Variants in PPME1 observed in about 807,000 individuals in gnomAD.
The protein encoded by PPME1 is testicular secretory protein Li 39.
PPME1 carries 17 observed loss-of-function variants against 56.9 expected under a neutral mutation model. That is an observed-to-expected ratio of 0.30 (90% CI 0.20 to 0.45). The LOEUF is 0.45. Ranked by LOEUF, PPME1 falls within the 20% of genes least tolerant of loss-of-function variation. The pLI is 1.00. For synonymous variants in PPME1, 122 were observed against 156.2 expected (o/e 0.78, Z 1.63); for missense variants, 357 against 483.2 (o/e 0.74, Z 2.45).
intron 11 of PPME1, chr11:74,250,118 A>G (rs1263977645): frequency 6.6e-6 from 1 of 152,240 alleles, no homozygotes; most frequent in African/African-American, 2.4e-5. Flanking sequence ...TAACTGGGGT[A>G]AGAACCACAG....
intron 1 of PPME1, among the ~76,000 whole-genome samples, chr11:74,175,409 G>T (rs1488169460): frequency 5.3e-5 from 8 of 152,092 alleles, no homozygotes; most frequent in Admixed American, 5.2e-4. Flanking sequence ...GCTGAGGCAG[G>T]AGAATCACTT....
At chr11:74,210,535 T>TC (rs1858444293) in intron 3 of PPME1, among the ~76,000 whole-genome samples, 1 of 152,200 alleles carries the variant, frequency 6.6e-6, no homozygotes, top group African/African-American at 2.4e-5. Flanking sequence ...TGGGAGTGGA[T>TC]CCTTCATGAA....
intron 1 of PPME1, among the ~76,000 whole-genome samples, chr11:74,177,050 G>A (rs1205060160): frequency 2.6e-5 from 4 of 151,952 alleles, no homozygotes; most frequent in Admixed American, 2.6e-4. Flanking sequence ...AGTTTATCTT[G>A]ATATGCAAAG....
chr11:74,197,055 T>C (rs924248627), intron 1 of PPME1, among the ~76,000 whole-genome samples: 2 of 152,188 alleles, frequency 1.3e-5, no homozygotes, highest in African/African-American at 4.8e-5. Context: ...TCTGACAAAT[T>C]GACTATAAAT....
chr11:74,245,254 T>C (rs746702443), intron 9 of PPME1, among the ~76,000 whole-genome samples: 16 of 152,208 alleles, frequency 1.1e-4, no homozygotes, highest in Non-Finnish European at 2.1e-4. Flanking sequence ...TTATATTGAA[T>C]CTGTGGATTA....
intron 10 of PPME1, 27 bp downstream of exon 10, chr11:74,246,232 C>A: frequency 6.5e-7 from 1 of 1,529,820 alleles, no homozygotes; most frequent in South Asian, 1.2e-5. Flanking sequence ...ATATATTAGT[C>A]AGCTCAGGCT....
chr11:74,239,026 A>T, intron 8 of PPME1, 107 bp from the exon 9 acceptor site: 1 of 1,113,102 alleles, frequency 9.0e-7, no homozygotes, highest in Non-Finnish European at 1.3e-6. Context: ...GATGATTGTT[A>T]AGTTTTAGCT....
chr11:74,184,534 T>C (rs1271941595), intron 1 of PPME1, among the ~76,000 whole-genome samples: 1 of 152,256 alleles, frequency 6.6e-6, no homozygotes, highest in Non-Finnish European at 1.5e-5. Flanking sequence ...TTTGTACTTT[T>C]GCCTCTTCCC....
chr11:74,217,386 A>T (rs1858676763), intron 3 of PPME1, among the ~76,000 whole-genome samples: 1 of 151,960 alleles, frequency 6.6e-6, no homozygotes, highest in Non-Finnish European at 1.5e-5. Flanking sequence ...TTCTAAAAAT[A>T]CAAAAATTAG....
At position 74,235,843 on chromosome 11, in the gene PPME1, A is replaced by G. The variant is rs987752259; in HGVS notation, c.645-58A>G. On this transcript the variant is annotated intron_variant, in intron 7 of 13. Coordinates refer to ENST00000328257, the MANE Select transcript of PPME1 (RefSeq NM_016147.3). ...CTGTAGAATTATTTATTTGATTCCAATGATGTGATACAATAGATACTGAAT... is the reference window on the plus strand; with the variant it reads ...CTGTAGAATTATTTATTTGATTCCAGTGATGTGATACAATAGATACTGAAT... The G allele has an allele frequency of 1.5e-5, 23 of 1,563,420 alleles. No individual in the cohort carries two copies. The Admixed American group carries it at 2.1e-4, about 14-fold the overall frequency.
chr11:74,196,031 C>G (rs1355806343), intron 1 of PPME1, among the ~76,000 whole-genome samples: 1 of 152,160 alleles, frequency 6.6e-6, no homozygotes, highest in African/African-American at 2.4e-5. Flanking sequence ...TAATGACTAA[C>G]AGGAAGTACT....
chr11:74,251,847 A>G (rs1018749931), intron 13 of PPME1, 132 bp downstream of exon 13: 3 of 1,106,988 alleles, frequency 2.7e-6, no homozygotes, highest in Middle Eastern at 2.0e-4. Flanking sequence ...CCTCCTCCTC[A>G]GTGAAGAGCC....
chr11:74,224,756 G>T (rs1171180652), intron 4 of PPME1, among the ~76,000 whole-genome samples: 1 of 150,580 alleles, frequency 6.6e-6, no homozygotes, highest in Non-Finnish European at 1.5e-5. Context: ...GTCTGTTATT[G>T]GTGTATAAGA....
chr11:74,171,658 G>A, intron 1 of PPME1, 136 bp downstream of exon 1: 3 of 1,167,752 alleles, frequency 2.6e-6, no homozygotes, highest in South Asian at 3.5e-5. Flanking sequence ...ATATTTAGAT[G>A]GAGTAGAAGG....
At chr11:74,242,751 C>T (rs1008802013) in intron 9 of PPME1, among the ~76,000 whole-genome samples, 27 of 151,516 alleles carry the variant, frequency 1.8e-4, no homozygotes, top group African/African-American at 4.4e-4. Context: ...TGGTGGCGTG[C>T]GTCTGTAGTC....
At chr11:74,243,020 C>CT (rs996039983) in intron 9 of PPME1, among the ~76,000 whole-genome samples, 6 of 151,664 alleles carry the variant, frequency 4.0e-5, no homozygotes, top group African/African-American at 1.2e-4. Context: ...TTTTTAAACA[C>CT]TTTTCCAGTG....
intron 5 of PPME1, among the ~76,000 whole-genome samples, chr11:74,229,739 G>A (rs1302631325): frequency 2.0e-5 from 3 of 152,132 alleles, no homozygotes; most frequent in African/African-American, 2.4e-5. Context: ...TTTTATAGAT[G>A]TCGAAACTCA....
At chr11:74,216,191 A>G (rs1178323419) in intron 3 of PPME1, among the ~76,000 whole-genome samples, 2 of 152,250 alleles carry the variant, frequency 1.3e-5, no homozygotes, top group African/African-American at 4.8e-5. Flanking sequence ...TGCAGAATAC[A>G]CATTCTTCTC....
At chr11:74,202,232 T>A (rs1858188807) in intron 1 of PPME1, among the ~76,000 whole-genome samples, 1 of 152,176 alleles carries the variant, frequency 6.6e-6, no homozygotes, top group South Asian at 2.1e-4. Context: ...TTATAGTGCC[T>A]CTCTCAACAT....
Sources: gnomAD v4.1 joint callset for allele counts (sites outside exome capture counted in the v4.1 genomes callset) on GRCh38, gnomAD v4.1.1 for gene constraint, MANE v1.5 for transcripts, NCBI Gene and HGNC (gene_info 2026-07-23, HGNC 2026-07-21) for gene names.